Variants in ALS2CL observed in about 807,000 individuals in gnomAD.
The protein encoded by ALS2CL is ALS2 C-terminal like.
A neutral mutation model predicts 127.9 loss-of-function variants in ALS2CL; 112 were observed. The ratio of observed to expected loss-of-function variants is 0.88; its 90% CI spans 0.75 to 1.02. The LOEUF (loss-of-function observed/expected upper bound fraction) is 1.02, where lower values mean the gene tolerates loss of function less well. Ranked by LOEUF, ALS2CL falls within the 50% of genes least tolerant of loss-of-function variation. ALS2CL has a pLI of 0.00. For missense variants in ALS2CL, 1,174 were observed against 1,236.7 expected, an observed-to-expected ratio of 0.95 and a Z score of 0.76; for synonymous variants, 519 against 527.6, an observed-to-expected ratio of 0.98 and a Z score of 0.22.
chr3:46,686,969 C>G lies in ALS2CL; in HGVS notation c.534+14G>C, dbSNP rs767335605. On this transcript the variant is annotated intron_variant, in intron 5 of 25. Transcript: ENST00000318962. This position sits in a 1 kb window ranked among gnomAD's most constrained non-coding sequence, Gnocchi z 4.3. ...CCCTCGGCTTCCCCACATGCTGCTGCCCCTGGTACCCACCTCCCCAATGGT... is the reference window on the plus strand; with the variant it reads ...CCCTCGGCTTCCCCACATGCTGCTGGCCCTGGTACCCACCTCCCCAATGGT... 5.1e-6 allele frequency: 8 copies of G among 1,574,036 alleles called. No homozygotes were observed. The South Asian group carries it at 9.2e-5, about 18-fold the overall frequency.
chr3:46,671,454 A>T, intron 25 of ALS2CL, 34 bp downstream of exon 25: 1 of 1,613,214 alleles, frequency 6.2e-7, no homozygotes. Context: ...GGGCCAGGGC[A>T]TTTCCACCTC....
chr3:46,676,430 A>C (rs199662566), intron 18 of ALS2CL, 28 bp from the exon 19 acceptor site: 1 of 1,612,716 alleles, frequency 6.2e-7, no homozygotes, highest in African/African-American at 1.3e-5. Context: ...CAACAGAGAG[A>C]GACTAAGCAC....
intron 14 of ALS2CL, chr3:46,679,633 G>C (rs1005502029): frequency 5.6e-6 from 1 of 178,938 alleles, no homozygotes; most frequent in East Asian, 1.5e-4. Context: ...GGGAACGGCA[G>C]AGCTGACCAG....
chr3:46,688,274 C>T lies in ALS2CL; in HGVS notation c.126G>A (p.Trp42Ter), dbSNP rs1197630162. ...GCAAGAGCCGCAGGCACTCTCTGCC[C>T]CAGGGATCCGAGGGATCTGGGGCTG... is the stretch of plus-strand genomic sequence containing the variant. ...LPAAPDPSDP[W>*]GRECLRLLQQ... Residue 42 changes from tryptophan (W) to a stop codon, truncating the protein, a stop_gained, in exon 3 of 26, where the codon TGG becomes TGA. Transcript: ENST00000318962. LOFTEE classifies it high-confidence loss of function. 6.2e-7 allele frequency: 1 copy of T among 1,612,594 alleles called. No homozygotes were observed. Among genetic ancestry groups the T allele is most frequent in the Non-Finnish European group, 8.5e-7 (1 of 1,179,960 alleles).
chr3:46,677,671 C>G (rs1025918954), intron 16 of ALS2CL, among the ~76,000 whole-genome samples: 5 of 152,220 alleles, frequency 3.3e-5, no homozygotes, highest in African/African-American at 1.2e-4. Context: ...AGAACTGCCA[C>G]CCACACAGAT....
intron 1 of ALS2CL, among the ~76,000 whole-genome samples, chr3:46,693,337 AG>A (rs541593506): frequency 1.4e-4 from 21 of 152,320 alleles, no homozygotes; most frequent in African/African-American, 4.1e-4. Flanking sequence ...CGCCCTAACC[AG>A]CCGGCGTCAC....
In ALS2CL at chr3:46,687,167, A is replaced by G. The variant is rs147612980; in HGVS notation, c.369-19T>C. The G allele has an allele frequency of 3.0e-4, 456 of 1,532,594 alleles. No individual in the cohort carries two copies. The highest frequency in any genetic ancestry group is 3.7e-4 in the Non-Finnish European group (427 of 1,144,170). 94.9% of individuals were successfully genotyped at this position (1,532,594 alleles called of 1,614,324 possible). A position where few individuals can be genotyped will look rare whatever the true frequency, so the allele number is the denominator to read the frequency against. ...GTACTCGCTGCGTGTAGAGAGGGCC[A>G]CGCACCACCTTCACCCCTTCCTCCA... On this transcript the variant is annotated intron_variant, in intron 4 of 25. Coordinates refer to ENST00000318962, the MANE Select transcript of ALS2CL (RefSeq NM_147129.5).
At chr3:46,678,492 G>A (rs1699056836) in intron 15 of ALS2CL, 103 bp from the exon 16 acceptor site, 2 of 1,433,464 alleles carry the variant, frequency 1.4e-6, no homozygotes, top group Non-Finnish European at 1.9e-6. Flanking sequence ...AGAGGCTAAG[G>A]ACTAATGAAT....
intron 10 of ALS2CL, among the ~76,000 whole-genome samples, 191 bp from the exon 11 acceptor site, chr3:46,682,285 CTG>C (rs961944892): frequency 5.3e-5 from 8 of 152,356 alleles, no homozygotes; most frequent in African/African-American, 1.9e-4. Flanking sequence ...CCTGGCCCAA[CTG>C]TACCAGCAGC....
At position 46,681,571 on chromosome 3, in the gene ALS2CL, G is replaced by C. The variant is rs1388224448; in HGVS notation, c.1203C>G (p.Ala401=). The part of the protein sequence containing the change: ...HGFGIRLLPQ[A]SEDKFDCYKC... ...TGTAACAGTCGAACTTGTCCTCAGA[G>C]GCCTGGGGCAGCAGGCGGATGCCGA... is the stretch of plus-strand genomic sequence containing the variant. The change falls in exon 12 of 26, where the codon GCC becomes GCG. Residue 401 remains alanine (A), a synonymous_variant. Transcript: ENST00000318962. This position sits in a 1 kb window ranked among gnomAD's most constrained non-coding sequence, Gnocchi z 4.9. The C allele has an allele frequency of 1.9e-6, 3 of 1,614,124 alleles. No individual in the cohort carries two copies. The highest frequency in any genetic ancestry group is 2.5e-6 in the Non-Finnish European group (3 of 1,180,000).
intron 2 of ALS2CL, 100 bp downstream of exon 2, chr3:46,689,238 T>G: frequency 2.4e-6 from 3 of 1,251,272 alleles, no homozygotes; most frequent in Non-Finnish European, 2.3e-6. Flanking sequence ...CTATTTGAGG[T>G]TGAGAAAGCT....
rs149648236 is a variant in ALS2CL at position 46,676,536 on chromosome 3, C to T, written c.2028+106G>A. 9 of 1,529,922 alleles carry T rather than the reference C, an allele frequency of 5.9e-6. No individual in the cohort carries two copies. The African/African-American group carries it at 1.1e-4, about 19-fold the overall frequency. The allele number at this position is 1,529,922 out of a possible 1,614,324, so 94.8% of individuals were successfully genotyped here. A position where few individuals can be genotyped will look rare whatever the true frequency, so the allele number is the denominator to read the frequency against. ...AGGTCCTCTGAGGACAAGGGATCCA[C>T]AGGCCTGTCCCCTTCAGTCAGCACC... On this transcript the variant is annotated intron_variant, in intron 18 of 25. Coordinates refer to ENST00000318962, the MANE Select transcript of ALS2CL (RefSeq NM_147129.5).
At chr3:46,671,818 G>A in intron 24 of ALS2CL, 66 bp downstream of exon 24, 2 of 1,600,356 alleles carry the variant, frequency 1.2e-6, no homozygotes, top group South Asian at 1.1e-5. Flanking sequence ...AGAGGTATCA[G>A]AAGATATCGT....
intron 16 of ALS2CL, chr3:46,677,480 T>C (rs1379242239): frequency 2.4e-6 from 2 of 844,842 alleles, no homozygotes; most frequent in Non-Finnish European, 2.9e-6. Flanking sequence ...TGCACTCCAG[T>C]GTCATGCTCG....
chr3:46,682,147 C>T, intron 10 of ALS2CL, 53 bp from the exon 11 acceptor site: 1 of 1,587,624 alleles, frequency 6.3e-7, no homozygotes, highest in South Asian at 1.1e-5. Context: ...CCTCAGCAAC[C>T]TCAGCCACCT....
chr3:46,673,265 A>G, intron 22 of ALS2CL, 74 bp downstream of exon 22: 1 of 1,417,956 alleles, frequency 7.1e-7, no homozygotes, highest in Non-Finnish European at 9.5e-7. Flanking sequence ...CCCAGCAATC[A>G]TGAGGCAAAG....
chr3:46,681,051 G>C lies in ALS2CL; in HGVS notation c.1436+195C>G, dbSNP rs1420841754. ...CACCATGAGGAGGGGTGAGGGGCGG[G>C]GGCGACCCTGCAGTCAGCGTGACCA... On this transcript the variant is annotated intron_variant, in intron 13 of 25. Coordinates refer to ENST00000318962, the MANE Select transcript of ALS2CL (RefSeq NM_147129.5). The surrounding 1 kb of genome is among the most constrained non-coding windows in gnomAD (Gnocchi z 4.9). 3.5e-6 allele frequency: 3 copies of C among 857,850 alleles called. No homozygotes were observed. Among genetic ancestry groups the C allele is most frequent in the Non-Finnish European group, 5.7e-6 (3 of 528,472 alleles). 53.1% of individuals were successfully genotyped at this position (857,850 alleles called of 1,614,324 possible). A position where few individuals can be genotyped will look rare whatever the true frequency, so the allele number is the denominator to read the frequency against.
intron 1 of ALS2CL, among the ~76,000 whole-genome samples, chr3:46,690,300 C>A (rs1700078924): frequency 6.6e-6 from 1 of 152,196 alleles, no homozygotes. Context: ...GGATGGGAGC[C>A]TGGACCCTCC....
At position 46,670,959 on chromosome 3, in the gene ALS2CL, TTCAG is replaced by T; in HGVS notation, c.*21_*24del. The stretch of plus-strand genomic sequence containing the variant: ...AGGCTGGCAGTGCCCTGCTCAGCTC[TTCAG>T]TCTGTCCAGGAAAGGCCAGGCTACC... On this transcript the variant is annotated 3_prime_UTR_variant, in exon 26 of 26. Coordinates refer to ENST00000318962, the MANE Select transcript of ALS2CL (RefSeq NM_147129.5). The surrounding 1 kb of genome is among the most constrained non-coding windows in gnomAD (Gnocchi z 5.5). 6.2e-7 allele frequency: 1 copy of T among 1,605,586 alleles called. No individual in the cohort carries two copies. Among genetic ancestry groups the T allele is most frequent in the Non-Finnish European group, 8.5e-7 (1 of 1,172,282 alleles).
Sources: allele counts gnomAD v4.1 joint callset (sites outside exome capture counted in the v4.1 genomes callset), GRCh38; gene constraint gnomAD v4.1.1; non-coding constraint Gnocchi (gnomAD v3.1); transcripts MANE v1.5; gene names NCBI Gene and HGNC (gene_info 2026-07-23, HGNC 2026-07-21).